The following ANK2 variants were observed in gnomAD, a reference collection of about 807,000 sequenced individuals.
ANK2 encodes ankyrin-2.
In ANK2, 83 loss-of-function variants were observed where a neutral mutation model predicts 360.5. The ratio of observed to expected loss-of-function variants is 0.23; its 90% CI spans 0.19 to 0.28. ANK2 has a LOEUF of 0.28. Among genes scored for constraint, ANK2 ranks in the 10% least tolerant of loss-of-function variants. ANK2 has a pLI of 1.00. For missense variants in ANK2, 4,201 were observed against 4,795.7 expected (o/e 0.88, Z 3.66); for synonymous variants, 1,740 against 1,759.5 (o/e 0.99, Z 0.28).
At chr4:112,813,143 C>G (rs1412986993), upstream of ANK2, among the ~76,000 whole-genome samples, 3 of 150,494 alleles carry the variant, frequency 2.0e-5, no homozygotes, top group Admixed American at 1.3e-4. Context: ...GAGGCTAAGG[C>G]AGGAGAATCG....
chr4:113,135,286 G>T (rs1331871932), intron 1 of ANK2, among the ~76,000 whole-genome samples: 2 of 152,158 alleles, frequency 1.3e-5, no homozygotes, highest in Admixed American at 6.5e-5. Context: ...GAGTGTCATA[G>T]ATTAAAGGTA....
chr4:112,793,807 A>G, the ANK2 span, among the ~76,000 whole-genome samples: 18 of 151,694 alleles, frequency 1.2e-4, no homozygotes, highest in African/African-American at 4.4e-4. Flanking sequence ...CAAGGTTCAA[A>G]TGATTCTCCC....
At chr4:113,175,752 T>C (rs576378521) in intron 2 of ANK2, among the ~76,000 whole-genome samples, 6 of 152,292 alleles carry the variant, frequency 3.9e-5, no homozygotes, top group African/African-American at 1.2e-4. Context: ...TGTTTCAAAA[T>C]CACCTGCAGG....
chr4:113,244,250 T>C (rs1220170571), intron 9 of ANK2, among the ~76,000 whole-genome samples: 3 of 81,160 alleles, frequency 3.7e-5, no homozygotes, highest in Non-Finnish European at 9.5e-5. Context: ...CAAATAACTA[T>C]TGAGTTCCTA....
intron 1 of ANK2, among the ~76,000 whole-genome samples, chr4:112,874,597 G>A (rs1231616340): frequency 2.2e-5 from 3 of 137,100 alleles, no homozygotes; most frequent in Non-Finnish European, 4.5e-5. Flanking sequence ...AGCCAAGATC[G>A]CACCACTGCA....
chr4:113,101,514 A>T (rs539784896), intron 1 of ANK2, among the ~76,000 whole-genome samples: 52 of 152,254 alleles, frequency 3.4e-4, no homozygotes, highest in African/African-American at 1.2e-3. Flanking sequence ...ATTCCTTCCA[A>T]TGTTCTTAGG....
At chr4:112,799,800 G>A in the ANK2 span, among the ~76,000 whole-genome samples, 2 of 148,958 alleles carry the variant, frequency 1.3e-5, no homozygotes, top group African/African-American at 4.9e-5. Flanking sequence ...TTACAGGAGT[G>A]AGCCACCGCG....
intron 2 of ANK2, among the ~76,000 whole-genome samples, chr4:112,908,595 T>G (rs766457603): frequency 6.6e-6 from 1 of 152,218 alleles, no homozygotes; most frequent in Non-Finnish European, 1.5e-5. Flanking sequence ...TAGAACCTGC[T>G]TCCTGTTTAG....
intron 1 of ANK2, among the ~76,000 whole-genome samples, chr4:112,903,766 TA>T (rs1279133913): frequency 6.6e-6 from 1 of 152,120 alleles, no homozygotes; most frequent in African/African-American, 2.4e-5. Flanking sequence ...CAAAATATAA[TA>T]AAAAAAGAAG....
chr4:113,346,093 G>C (rs1022236059), intron 35 of ANK2, 71 bp downstream of exon 35: 39 of 1,583,128 alleles, frequency 2.5e-5, no homozygotes, highest in Admixed American at 6.7e-5. Flanking sequence ...TTTTAGGTCA[G>C]TGCAAAAGTA....
At chr4:112,710,421 C>T in the ANK2 span, among the ~76,000 whole-genome samples, 3 of 152,130 alleles carry the variant, frequency 2.0e-5, no homozygotes, top group Non-Finnish European at 4.4e-5. Flanking sequence ...TTGGGCCAGG[C>T]CAGGTGGCTC....
rs190143451 is a variant in ANK2, at chr4:113,054,966, A to C, written c.84+5154A>C. On this transcript the variant is annotated intron_variant, in intron 1 of 45. Coordinates refer to ENST00000357077, the MANE Select transcript of ANK2 (RefSeq NM_001148.6). ...TTTCAAAGTGCTGTCTGCTGACCTC[A>C]ACTACCAGAATTACCTGGGTTGTCT... is the stretch of plus-strand genomic sequence containing the variant. Among the ~76,000 whole-genome samples, 3 of 152,278 alleles carry C rather than the reference A, an allele frequency of 2.0e-5. No homozygotes were observed. In the East Asian group the frequency reaches 5.8e-4, roughly 29 times the overall value.
At chr4:112,906,876 G>C (rs2085416727) in intron 2 of ANK2, among the ~76,000 whole-genome samples, 2 of 152,124 alleles carry the variant, frequency 1.3e-5, no homozygotes, top group Admixed American at 1.3e-4. Flanking sequence ...AAATTTATAA[G>C]TGTATTATGT....
intron 2 of ANK2, among the ~76,000 whole-genome samples, chr4:113,179,606 C>T (rs916775326): frequency 6.6e-6 from 1 of 151,980 alleles, no homozygotes; most frequent in Non-Finnish European, 1.5e-5. Context: ...TAAAAGATTA[C>T]ACCAGTCATC....
chr4:113,287,459 T>C, intron 18 of ANK2, 146 bp from the exon 19 acceptor site: 1 of 704,206 alleles, frequency 1.4e-6, no homozygotes, highest in South Asian at 1.5e-5. Flanking sequence ...GAGTTTGCCT[T>C]GAATATCAGA....
intron 2 of ANK2, among the ~76,000 whole-genome samples, chr4:112,973,601 C>T (rs1483385607): frequency 6.6e-6 from 1 of 152,192 alleles, no homozygotes; most frequent in Non-Finnish European, 1.5e-5. Context: ...CTATCCTCTG[C>T]CTTCCTTCCC....
At chr4:113,198,056 T>C (rs1262101736) in intron 3 of ANK2, among the ~76,000 whole-genome samples, 1 of 152,194 alleles carries the variant, frequency 6.6e-6, no homozygotes, top group Non-Finnish European at 1.5e-5. Flanking sequence ...TGGTGTATAG[T>C]TGCCCATGTT....
At chr4:112,853,261 G>T (rs910042891) in intron 1 of ANK2, among the ~76,000 whole-genome samples, 2 of 152,114 alleles carry the variant, frequency 1.3e-5, no homozygotes, top group Non-Finnish European at 2.9e-5. Flanking sequence ...TAGAGATGGG[G>T]TTTCACTATG....
intron 1 of ANK2, among the ~76,000 whole-genome samples, chr4:113,099,578 A>G (rs900677774): frequency 1.3e-5 from 2 of 152,008 alleles, no homozygotes; most frequent in African/African-American, 4.8e-5. Context: ...TATAGACTCA[A>G]TACAATCCCA....
Sources: allele counts gnomAD v4.1 joint callset (sites outside exome capture counted in the v4.1 genomes callset), GRCh38; gene constraint gnomAD v4.1.1; transcripts MANE v1.5; gene names NCBI Gene and HGNC (gene_info 2026-07-23, HGNC 2026-07-21).